Variants in ELOVL5 observed in about 807,000 individuals in gnomAD.
ELOVL5 encodes very long chain fatty acid elongase 5.
A neutral mutation model predicts 38.6 loss-of-function variants in ELOVL5; 8 were observed. That is an observed-to-expected ratio of 0.21 (90% confidence interval 0.12 to 0.37). The LOEUF (loss-of-function observed/expected upper bound fraction) is 0.37, where lower values mean the gene tolerates loss of function less well. Among genes scored for constraint, ELOVL5 ranks in the 10% least tolerant of loss-of-function variants. The pLI, the probability that ELOVL5 is intolerant of heterozygous loss-of-function variation, is 1.00. For synonymous variants in ELOVL5, 127 were observed against 133.7 expected (o/e 0.95, Z 0.34); for missense variants, 280 against 367.8 (o/e 0.76, Z 1.95).
At chr6:53,337,264 AT>A (rs1406555725) in intron 1 of ELOVL5, 7 of 152,268 alleles carry the variant, frequency 4.6e-5, no homozygotes, top group African/African-American at 1.7e-4. Context: ...CCCCTCGTTC[AT>A]CCTGATGAAG....
intron 1 of ELOVL5, among the ~76,000 whole-genome samples, chr6:53,324,672 C>CAAAAAAAAAAAAAAAAAAA (rs200304234): frequency 2.5e-5 from 2 of 80,382 alleles, no homozygotes; most frequent in Non-Finnish European, 4.3e-5. Flanking sequence ...GAGATCCTGT[C>CAAAAAAAAAAAAAAAAAAA]AAAAAAAAAA....
At chr6:53,292,011 T>G in intron 2 of ELOVL5, 48 bp from the exon 3 acceptor site, 1 of 1,270,144 alleles carries the variant, frequency 7.9e-7, no homozygotes, top group Non-Finnish European at 1.1e-6. Context: ...TTCACAACTT[T>G]TCAAACGTTG....
chr6:53,328,950 T>C (rs1768667070), intron 1 of ELOVL5, among the ~76,000 whole-genome samples: 2 of 152,160 alleles, frequency 1.3e-5, no homozygotes, highest in Non-Finnish European at 1.5e-5. Flanking sequence ...TACTGTCCTG[T>C]CTACAAAAAG....
intron 3 of ELOVL5, among the ~76,000 whole-genome samples, chr6:53,285,772 G>C (rs1345879129): frequency 6.6e-6 from 1 of 151,776 alleles, no homozygotes; most frequent in African/African-American, 2.4e-5. Context: ...TGCCAGGCTA[G>C]TTATAAAATT....
intron 1 of ELOVL5, among the ~76,000 whole-genome samples, chr6:53,317,839 A>AAAAAT (rs201054509): frequency 6.7e-6 from 1 of 150,336 alleles, no homozygotes; most frequent in Non-Finnish European, 1.5e-5. Context: ...AAAAATTAAA[A>AAAAAT]AAAATAAAAT....
At chr6:53,297,583 C>T (rs1242229125) in intron 1 of ELOVL5, among the ~76,000 whole-genome samples, 1 of 152,094 alleles carries the variant, frequency 6.6e-6, no homozygotes, top group Non-Finnish European at 1.5e-5. Flanking sequence ...TGCTCATGTT[C>T]AGATAACTTT....
At chr6:53,285,375 A>C (rs949694730) in intron 3 of ELOVL5, among the ~76,000 whole-genome samples, 7 of 152,358 alleles carry the variant, frequency 4.6e-5, no homozygotes. Flanking sequence ...AATTCTGTGA[A>C]GCCTGGGAGA....
At chr6:53,301,542 A>G (rs1297097111) in intron 1 of ELOVL5, among the ~76,000 whole-genome samples, 2 of 152,158 alleles carry the variant, frequency 1.3e-5, no homozygotes, top group East Asian at 3.9e-4. Context: ...CATCCTCTTT[A>G]ACCAGGAGTC....
intron 1 of ELOVL5, among the ~76,000 whole-genome samples, chr6:53,306,980 TA>T (rs541765110): frequency 2.6e-5 from 4 of 151,538 alleles, no homozygotes; most frequent in Non-Finnish European, 4.4e-5. Flanking sequence ...TGAAGCAAGG[TA>T]AAAAAAAATC....
In ELOVL5 at chr6:53,291,695, T is replaced by G. The variant is rs1032980839; in HGVS notation, c.246+81A>C. On this transcript the variant is annotated intron_variant, in intron 3 of 7. Coordinates refer to ENST00000304434, the MANE Select transcript of ELOVL5 (RefSeq NM_021814.5). ...GTCTCTACACCCCAAGCGGCCACCT[T>G]TCCTCATTTAGGAATACAATTTAGG... The G allele has an allele frequency of 5.7e-6, 7 of 1,236,062 alleles. No individual in the cohort carries two copies. The Admixed American group carries it at 1.2e-4, about 21-fold the overall frequency. The allele number at this position is 1,236,062 out of a possible 1,614,324, so 76.6% of individuals were successfully genotyped here.
intron 3 of ELOVL5, among the ~76,000 whole-genome samples, chr6:53,278,063 T>C (rs1219568742): frequency 3.9e-5 from 6 of 152,362 alleles, no homozygotes; most frequent in African/African-American, 1.4e-4. Context: ...CAGCAGCCTC[T>C]CTTGGCAAAA....
rs976381937 is a variant in ELOVL5 at position 53,294,508 on chromosome 6, A to T, written c.58+1134T>A. The stretch of plus-strand genomic sequence containing the variant: ...TGCTGATACCTGGAAGTGGCAAAGT[A>T]GAAAATGACAAGAACAAGGATCCTT... On this transcript the variant is annotated intron_variant, in intron 2 of 7. Transcript: ENST00000304434. The T allele has an allele frequency of 4.5e-6, 7 of 1,543,776 alleles. No homozygotes were observed. The Admixed American group carries it at 1.4e-4, about 31-fold the overall frequency.
Position 53,276,234 on chromosome 6 carries a change from C to T in ELOVL5, c.269G>A (p.Gly90Asp). The T allele has an allele frequency of 6.2e-7, 1 of 1,612,598 alleles. No homozygotes were observed. The highest frequency in any genetic ancestry group is 1.7e-4 in the Middle Eastern group (1 of 6,060). ...FCELVTGVWE[G>D]KYNFFCQGTR... ...GCCCTGACAGAAGAAGTTGTATTTG[C>T]CTTCCCATACTCCTGTTACTAACTA... The change falls in exon 4 of 8, where the codon GGC becomes GAC. Residue 90 changes from glycine to aspartate, a missense_variant. Physicochemically the swap from Gly to Asp is moderately conservative, Grantham distance 94. This residue lies in a region of ELOVL5 where 150 missense variants were observed against 178.0 expected (regional missense o/e 0.84). Coordinates refer to ENST00000304434, the MANE Select transcript of ELOVL5 (RefSeq NM_021814.5).
chr6:53,270,570 T>C, intron 7 of ELOVL5, 23 bp downstream of exon 7: 1 of 1,613,100 alleles, frequency 6.2e-7, no homozygotes, highest in Non-Finnish European at 8.5e-7. Context: ...AGATTCCAAG[T>C]CCCAGAGAAG....
At chr6:53,273,198 G>A in intron 6 of ELOVL5, 22 bp downstream of exon 6, 1 of 1,613,008 alleles carries the variant, frequency 6.2e-7, no homozygotes, top group Non-Finnish European at 8.5e-7. Context: ...TAAGTCCTGG[G>A]GAAAGAGGCC....
rs148832623 is a variant in ELOVL5, at chr6:53,296,609, G to A, written c.-8-902C>T. 3.3e-5 allele frequency among the ~76,000 whole-genome samples: 5 copies of A among 152,216 alleles called. No individual in the cohort carries two copies. The East Asian group carries it at 7.7e-4, about 23-fold the overall frequency. ...AAAAAACACTATTATATATAGAAGT[G>A]TGTATATATTACTTGCTTATTTTCA... On this transcript the variant is annotated intron_variant, in intron 1 of 7. Coordinates refer to ENST00000304434, the MANE Select transcript of ELOVL5 (RefSeq NM_021814.5).
chr6:53,275,220 T>C lies in ELOVL5; in HGVS notation c.366A>G (p.Ile122Met). ...TGAAGAAGAAAGTGTCCATAAATTC[T>C]ATGAGTTTGGAGAAGTAGTACCACC... ...VLWWYYFSKL[I>M]EFMDTFFFIL... Residue 122 changes from isoleucine (I) to methionine (M), a missense_variant, in exon 5 of 8, where the codon ATA (isoleucine) becomes ATG (methionine). Ile to Met is a conservative substitution (Grantham distance 10). This residue lies in a region of ELOVL5 where 150 missense variants were observed against 178.0 expected (regional missense o/e 0.84). Coordinates refer to ENST00000304434, the MANE Select transcript of ELOVL5 (RefSeq NM_021814.5). 6.2e-7 allele frequency: 1 copy of C among 1,614,200 alleles called. No homozygotes were observed. Among genetic ancestry groups the C allele is most frequent in the Non-Finnish European group, 8.5e-7 (1 of 1,180,020 alleles).
At chr6:53,338,004 A>C (rs1383401792) in intron 1 of ELOVL5, among the ~76,000 whole-genome samples, 1 of 152,192 alleles carries the variant, frequency 6.6e-6, no homozygotes, top group Non-Finnish European at 1.5e-5. Context: ...ACGTTGGCCA[A>C]CAGGGGAGGT....
At chr6:53,283,030 C>A (rs1188677992) in intron 3 of ELOVL5, among the ~76,000 whole-genome samples, 5 of 152,196 alleles carry the variant, frequency 3.3e-5, no homozygotes, top group African/African-American at 9.7e-5. Flanking sequence ...AAATGCTCAA[C>A]TTCTTTCATC....
Sources: gnomAD v4.1 joint callset for allele counts (sites outside exome capture counted in the v4.1 genomes callset) on GRCh38, gnomAD v4.1.1 for gene constraint, gnomAD v4.1.1 regional missense constraint, MANE v1.5 for transcripts, NCBI Gene and HGNC (gene_info 2026-07-23, HGNC 2026-07-21) for gene names.